The following FMO1 variants were observed in gnomAD, a reference collection of about 807,000 sequenced individuals.
FMO1 encodes flavin-containing monooxygenase 1.
Under a neutral mutation model 45.4 loss-of-function variants are expected in FMO1, and 36 were observed. The observed-to-expected ratio is 0.79, with a 90% CI of 0.61 to 1.05. FMO1 has a LOEUF of 1.05. Among genes scored for constraint, FMO1 ranks in the 50% least tolerant of loss-of-function variants. The pLI is 0.00. For synonymous variants in FMO1, 228 were observed against 227.2 expected, an observed-to-expected ratio of 1.00 and a Z score of -0.03; for missense variants, 615 against 640.3, an observed-to-expected ratio of 0.96 and a Z score of 0.43.
intron 5 of FMO1, among the ~76,000 whole-genome samples, chr1:171,280,110 C>T (rs551539158): frequency 2.6e-5 from 4 of 152,256 alleles, no homozygotes; most frequent in African/African-American, 9.6e-5. Context: ...ATGCTGTAAA[C>T]TCATTGAGGG....
intron 3 of FMO1, chr1:171,270,936 A>T: frequency 1.2e-6 from 1 of 812,538 alleles, no homozygotes; most frequent in Admixed American, 2.2e-5. Context: ...GAGAAAAAAA[A>T]CCGCTAGAAC....
In FMO1 at chr1:171,270,939, G is replaced by A. The variant is rs147290491; in HGVS notation, c.321+3208G>A. On this transcript the variant is annotated intron_variant, in intron 3 of 8. Coordinates refer to ENST00000617670, the MANE Select transcript of FMO1 (RefSeq NM_001282693.2). ...TGCTTTATAGACGAGAAAAAAAACC[G>A]CTAGAACCAACTTATTCATCATCTT... is the stretch of plus-strand genomic sequence containing the variant. The A allele has an allele frequency of 8.6e-4, 712 of 827,468 alleles. 7 individuals are homozygous for A. Among genetic ancestry groups the A allele is most frequent in the African/African-American group, 5.1e-3 (299 of 58,344 alleles). 51.3% of individuals were successfully genotyped at this position (827,468 alleles called of 1,614,324 possible). A position where few individuals can be genotyped will look rare whatever the true frequency, so the allele number is the denominator to read the frequency against.
chr1:171,271,425 T>C (rs1170477467), intron 3 of FMO1: 1 of 1,031,680 alleles, frequency 9.7e-7, no homozygotes, highest in African/African-American at 1.6e-5. Flanking sequence ...TCCTTTCTCT[T>C]TAGCAGACAT....
chr1:171,276,838 A>C (rs570402812), intron 4 of FMO1, among the ~76,000 whole-genome samples: 6 of 152,294 alleles, frequency 3.9e-5, no homozygotes, highest in Non-Finnish European at 8.8e-5. Context: ...AGCATACCTG[A>C]AAGCAATTGA....
chr1:171,282,760 G>C (rs1661418189), intron 7 of FMO1: 3 of 244,106 alleles, frequency 1.2e-5, no homozygotes, highest in Admixed American at 5.4e-5. Context: ...GGAGACTACA[G>C]ACATGCACAC....
chr1:171,252,091 T>G (rs1659922110), intron 1 of FMO1, among the ~76,000 whole-genome samples: 1 of 152,096 alleles, frequency 6.6e-6, no homozygotes, highest in African/African-American at 2.4e-5. Context: ...AAGAAATTAT[T>G]TTTAGTTTAA....
At chr1:171,253,214 T>C (rs1488030577) in intron 1 of FMO1, among the ~76,000 whole-genome samples, 1 of 152,210 alleles carries the variant, frequency 6.6e-6, no homozygotes, top group Admixed American at 6.5e-5. Flanking sequence ...ACTCATTTCC[T>C]TCACTTTCTA....
chr1:171,255,761 C>T (rs993312355), intron 1 of FMO1, among the ~76,000 whole-genome samples: 1 of 152,176 alleles, frequency 6.6e-6, no homozygotes, highest in African/African-American at 2.4e-5. Context: ...GCTCCTCACC[C>T]TCCCCTAACA....
intron 1 of FMO1, chr1:171,257,627 C>T: frequency 5.2e-6 from 1 of 192,330 alleles, no homozygotes; most frequent in Non-Finnish European, 1.1e-5. Flanking sequence ...CCACCAGCTG[C>T]TGTGTGGTGT....
chr1:171,270,859 C>A, intron 3 of FMO1: 1 of 691,472 alleles, frequency 1.4e-6, no homozygotes, highest in Non-Finnish European at 2.3e-6. Flanking sequence ...CCTACACAGA[C>A]TTACATTTCC....
chr1:171,284,529 G>A (rs1384338138), intron 8 of FMO1, among the ~76,000 whole-genome samples: 1 of 151,968 alleles, frequency 6.6e-6, no homozygotes, highest in Non-Finnish European at 1.5e-5. Context: ...TTTGAGCTCA[G>A]GACTTTGAGA....
intron 1 of FMO1, among the ~76,000 whole-genome samples, chr1:171,256,272 C>CAAAAAA (rs34529047): frequency 2.6e-5 from 2 of 78,282 alleles, no homozygotes; most frequent in Non-Finnish European, 4.9e-5. Flanking sequence ...GACTCCATCT[C>CAAAAAA]AAAAAAAAAA....
intron 1 of FMO1, among the ~76,000 whole-genome samples, chr1:171,256,936 G>A (rs1660186350): frequency 1.3e-5 from 2 of 152,204 alleles, no homozygotes; most frequent in Non-Finnish European, 2.9e-5. Flanking sequence ...AGTGACAAAT[G>A]TGTGTGCTAC....
intron 1 of FMO1, 126 bp downstream of exon 1, chr1:171,248,749 C>A: frequency 6.6e-6 from 1 of 152,000 alleles, no homozygotes; most frequent in East Asian, 1.9e-4. Context: ...CTGTCCAACC[C>A]TGGAGGAGCT....
intron 8 of FMO1, among the ~76,000 whole-genome samples, chr1:171,284,125 C>T (rs116000590): frequency 0.014 from 2,026 of 148,350 alleles, 40 homozygotes; most frequent in African/African-American, 0.046. Context: ...ATCTGTTCAT[C>T]TGTTTCTGCG....
intron 3 of FMO1, among the ~76,000 whole-genome samples, chr1:171,273,573 T>A (rs967868950): frequency 1.9e-4 from 29 of 152,184 alleles, no homozygotes; most frequent in Non-Finnish European, 4.4e-5. Flanking sequence ...AGTGGCAGGA[T>A]CTTATCTCAC....
chr1:171,259,786 G>C (rs1660304282), intron 2 of FMO1, among the ~76,000 whole-genome samples: 1 of 152,148 alleles, frequency 6.6e-6, no homozygotes, highest in South Asian at 2.1e-4. Context: ...AATGAGTCTG[G>C]ATCCAGCTGG....
At chr1:171,276,487 T>A (rs1439551469) in intron 4 of FMO1, among the ~76,000 whole-genome samples, 1 of 152,230 alleles carries the variant, frequency 6.6e-6, no homozygotes, top group Non-Finnish European at 1.5e-5. Flanking sequence ...CAATTTTTTG[T>A]CATTCTTGCC....
chr1:171,263,051 C>T lies in FMO1; in HGVS notation c.133-4492C>T, dbSNP rs140396294. Among the ~76,000 whole-genome samples, 245 of 152,214 alleles carry T rather than the reference C, an allele frequency of 1.6e-3. 2 individuals are homozygous for T. Among genetic ancestry groups the T allele is most frequent in the Admixed American group, 0.013 (196 of 15,294 alleles). On this transcript the variant is annotated intron_variant, in intron 2 of 8. Coordinates refer to ENST00000617670, the MANE Select transcript of FMO1 (RefSeq NM_001282693.2). The stretch of plus-strand genomic sequence containing the variant: ...GTGAATTTTATTATCACTTTATATC[C>T]GTTTTTAAAATGAGAAAGAAAAGAA...
Sources: allele counts gnomAD v4.1 joint callset (sites outside exome capture counted in the v4.1 genomes callset), GRCh38; gene constraint gnomAD v4.1.1; transcripts MANE v1.5; gene names NCBI Gene and HGNC (gene_info 2026-07-23, HGNC 2026-07-21).